The following INTS7 variants were observed in gnomAD, a reference collection of about 807,000 sequenced individuals.
INTS7 encodes chromosome 1 open reading frame 73.
INTS7 carries 46 observed loss-of-function variants against 109.2 expected under a neutral mutation model. That is an observed-to-expected ratio of 0.42 (90% CI 0.33 to 0.54). The LOEUF is 0.54. INTS7 is among the 20% of genes least tolerant of loss of function. INTS7 has a pLI of 0.07. For synonymous variants in INTS7, 412 were observed against 402.9 expected (o/e 1.02, Z -0.27); for missense variants, 929 against 1,132.4 (o/e 0.82, Z 2.58).
chr1:212,021,999 T>C (rs1666732510), intron 1 of INTS7, among the ~76,000 whole-genome samples: 1 of 152,240 alleles, frequency 6.6e-6, no homozygotes, highest in Non-Finnish European at 1.5e-5. Flanking sequence ...TGAAGGTTTA[T>C]ATCAAGAAAG....
At chr1:211,977,591 A>AT (rs1410144606) in intron 11 of INTS7, among the ~76,000 whole-genome samples, 5 of 152,174 alleles carry the variant, frequency 3.3e-5, no homozygotes, top group East Asian at 3.8e-4. Flanking sequence ...ATTTCATTAT[A>AT]TTTTTTCCCA....
At chr1:211,990,327 A>T (rs1665090790) in intron 7 of INTS7, among the ~76,000 whole-genome samples, 1 of 152,026 alleles carries the variant, frequency 6.6e-6, no homozygotes, top group South Asian at 2.1e-4. Flanking sequence ...CTAATATAAG[A>T]TGTTCCCCCA....
intron 16 of INTS7, among the ~76,000 whole-genome samples, chr1:211,960,327 C>T (rs940347121): frequency 2.0e-5 from 3 of 151,866 alleles, no homozygotes; most frequent in South Asian, 2.1e-4. Flanking sequence ...CTTCAAAGAT[C>T]GAAGGACCAT....
At chr1:211,975,092 G>C (rs1037227793) in intron 13 of INTS7, 74 bp downstream of exon 13, 22 of 1,037,610 alleles carry the variant, frequency 2.1e-5, no homozygotes, top group African/African-American at 3.2e-5. Context: ...AGTTGAAATA[G>C]GACAATCCAA....
intron 11 of INTS7, among the ~76,000 whole-genome samples, chr1:211,977,242 C>A (rs918669540): frequency 6.6e-6 from 1 of 152,114 alleles, no homozygotes; most frequent in Admixed American, 6.5e-5. Context: ...AAACAGGGGG[C>A]TTCAACTAAA....
chr1:211,971,148 A>C (rs968599943), intron 13 of INTS7, among the ~76,000 whole-genome samples: 6 of 152,150 alleles, frequency 3.9e-5, no homozygotes, highest in African/African-American at 1.4e-4. Context: ...AACTGAATAA[A>C]TTCTTTGTTG....
chr1:212,007,216 CAA>C, intron 6 of INTS7, 32 bp downstream of exon 6: 1 of 1,436,540 alleles, frequency 7.0e-7, no homozygotes, highest in Non-Finnish European at 9.8e-7. Context: ...GTAAGTTTAC[CAA>C]AGATAGGCAG....
chr1:212,022,557 A>C (rs1283830910), intron 1 of INTS7, among the ~76,000 whole-genome samples: 1 of 152,238 alleles, frequency 6.6e-6, no homozygotes, highest in East Asian at 1.9e-4. Flanking sequence ...CAGTGTCATC[A>C]GGGAAATGAC....
Position 211,981,183 on chromosome 1 carries a change from CA to C in INTS7, c.1139del (p.Leu380TrpfsTer30). 6.2e-7 allele frequency: 1 copy of C among 1,609,120 alleles called. No homozygotes were observed. Among genetic ancestry groups the C allele is most frequent in the Non-Finnish European group, 8.5e-7 (1 of 1,175,778 alleles). ...ITVSCQEKDL[L>X]ALEQDAVFGL... Reference sequence around the variant, plus strand: ...CAAAGACAGCATCTTGTTCCAGTGCCAAAAGATCTAGAAGAAAAACAGTAAA... The same window carrying C: ...CAAAGACAGCATCTTGTTCCAGTGCCAAAGATCTAGAAGAAAAACAGTAAA... On this transcript the variant is annotated frameshift_variant, in exon 10 of 20. Coordinates refer to ENST00000366994, the MANE Select transcript of INTS7 (RefSeq NM_015434.4). LOFTEE classifies it high-confidence loss of function.
chr1:212,015,697 G>A (rs1430370832), intron 4 of INTS7, among the ~76,000 whole-genome samples: 1 of 27,210 alleles, frequency 3.7e-5, no homozygotes, highest in Non-Finnish European at 6.4e-5. Flanking sequence ...ACCCAAGAAT[G>A]ATCAATAAAT....
At chr1:212,006,613 T>C (rs756660114) in intron 7 of INTS7, 26 bp downstream of exon 7, 17 of 1,245,696 alleles carry the variant, frequency 1.4e-5, no homozygotes, top group South Asian at 5.1e-5. Flanking sequence ...ATTTTTTCTA[T>C]ATAAAATGTT....
chr1:211,992,182 A>G (rs1665177392), intron 7 of INTS7, among the ~76,000 whole-genome samples: 1 of 152,190 alleles, frequency 6.6e-6, no homozygotes, highest in South Asian at 2.1e-4. Context: ...GATTAGGACT[A>G]ATATCCTAAA....
At position 211,951,370 on chromosome 1, in the gene INTS7, G is replaced by A. The variant is rs748816388; in HGVS notation, c.2316+1199C>T. On this transcript the variant is annotated intron_variant, in intron 17 of 19. Coordinates refer to ENST00000366994, the MANE Select transcript of INTS7 (RefSeq NM_015434.4). Reference sequence around the variant, plus strand: ...GTTGCCCGGGCTGGAGTGCAGTGGCGCTATCTCAGCTCACTGCAACCTCCG... The same window carrying A: ...GTTGCCCGGGCTGGAGTGCAGTGGCACTATCTCAGCTCACTGCAACCTCCG... Among the ~76,000 whole-genome samples, 7 of 151,994 alleles carry A rather than the reference G, an allele frequency of 4.6e-5. No homozygotes were observed. In the East Asian group the frequency reaches 7.7e-4, roughly 17 times the overall value.
chr1:212,024,981 T>A (rs1472531130), intron 1 of INTS7, among the ~76,000 whole-genome samples: 1 of 152,218 alleles, frequency 6.6e-6, no homozygotes, highest in African/African-American at 2.4e-5. Flanking sequence ...AATGCGCAAC[T>A]AGACTTTACT....
In INTS7 at chr1:211,941,700, A is replaced by G. The variant is rs1019233559; in HGVS notation, c.*124T>C. ...AACAAAATTTTTTCCAGAATATTAC[A>G]TTACAAAAATCAATGAATAAATGAA... is the stretch of plus-strand genomic sequence containing the variant. On this transcript the variant is annotated 3_prime_UTR_variant, in exon 20 of 20. Transcript: ENST00000366994. 7.1e-7 allele frequency: 1 copy of G among 1,415,968 alleles called. No homozygotes were observed. The highest frequency in any genetic ancestry group is 9.5e-7 in the Non-Finnish European group (1 of 1,053,726). 87.7% of individuals were successfully genotyped at this position (1,415,968 alleles called of 1,614,324 possible).
intron 16 of INTS7, among the ~76,000 whole-genome samples, chr1:211,960,869 G>T (rs1345087014): frequency 6.6e-6 from 1 of 151,968 alleles, no homozygotes; most frequent in East Asian, 1.9e-4. Flanking sequence ...AATAAAATTA[G>T]CCAAGTATGG....
chr1:212,024,943 A>G (rs1666855448), intron 1 of INTS7, among the ~76,000 whole-genome samples: 1 of 152,224 alleles, frequency 6.6e-6, no homozygotes, highest in African/African-American at 2.4e-5. Context: ...CAATTAGACT[A>G]CATTCACAGA....
At chr1:211,963,864 T>C (rs1417080223) in intron 16 of INTS7, among the ~76,000 whole-genome samples, 3 of 152,036 alleles carry the variant, frequency 2.0e-5, no homozygotes, top group Admixed American at 6.6e-5. Context: ...GAGTCACCTA[T>C]GTCAAAACCA....
rs1451079700 is a variant in INTS7, at chr1:211,982,761, T to C, written c.1047A>G (p.Gln349=). 2 of 1,611,180 alleles carry C rather than the reference T, an allele frequency of 1.2e-6. No individual in the cohort carries two copies. Among genetic ancestry groups the C allele is most frequent in the Non-Finnish European group, 1.7e-6 (2 of 1,177,986 alleles). Residue 349 remains glutamine (Q), a synonymous_variant, in exon 9 of 20, where the codon CAA becomes CAG. Coordinates refer to ENST00000366994, the MANE Select transcript of INTS7 (RefSeq NM_015434.4). ...PRSSDLVKLA[Q]ECCYHNNRGI... ...CCCTGTTATTATGGTAACAGCACTC[T>C]TGGGCTAATTTGACTAAATCAGAAG...
Sources: gnomAD v4.1 joint callset for allele counts (sites outside exome capture counted in the v4.1 genomes callset) on GRCh38, gnomAD v4.1.1 for gene constraint, MANE v1.5 for transcripts, NCBI Gene and HGNC (gene_info 2026-07-23, HGNC 2026-07-21) for gene names.